Variants in SCN9A observed in about 807,000 individuals in gnomAD.
SCN9A encodes the protein sodium voltage-gated channel alpha subunit 9, also known as sodium channel protein type 9 subunit alpha.
In SCN9A, 131 loss-of-function variants were observed where a neutral mutation model predicts 187.0. The observed-to-expected ratio is 0.70, with a 90% confidence interval of 0.61 to 0.81. The LOEUF is 0.81. SCN9A is among the 30% of genes least tolerant of loss of function. The pLI, the probability that SCN9A is intolerant of heterozygous loss-of-function variation, is 0.00. For synonymous variants in SCN9A, 809 were observed against 808.6 expected, an observed-to-expected ratio of 1.00 and a Z score of -0.01; for missense variants, 2,252 against 2,396.6, an observed-to-expected ratio of 0.94 and a Z score of 1.26.
intron 18 of SCN9A, among the ~76,000 whole-genome samples, chr2:166,250,422 G>A (rs1054840822): frequency 2.6e-5 from 4 of 152,050 alleles, no homozygotes; most frequent in Admixed American, 2.6e-4. Flanking sequence ...TCTTAGCATC[G>A]CTGTGATGTG....
chr2:166,196,994 C>G lies in SCN9A; in HGVS notation c.*1678G>C, dbSNP rs1037361780. The G allele has an allele frequency of 6.6e-6, 1 of 152,070 alleles. No individual in the cohort carries two copies. The highest frequency in any genetic ancestry group is 6.5e-5 in the Admixed American group (1 of 15,274). 9.4% of individuals were successfully genotyped at this position (152,070 alleles called of 1,614,324 possible). A position where few individuals can be genotyped will look rare whatever the true frequency, so the allele number is the denominator to read the frequency against. On this transcript the variant is annotated 3_prime_UTR_variant, in exon 27 of 27. Transcript: ENST00000642356. ...TTGTTTCTATAGGTACGTTTAAATC[C>G]TCTTTCTTTTTAAATTGCCAGAACA...
chr2:166,339,892 A>G (rs1488277384), intron 1 of SCN9A, among the ~76,000 whole-genome samples: 1 of 152,166 alleles, frequency 6.6e-6, no homozygotes, highest in Non-Finnish European at 1.5e-5. Context: ...GAGGTAGCAT[A>G]TTGTAGGAAA....
In SCN9A at chr2:166,340,611, TCTTTCTTTC is replaced by T. The variant is rs771111770; in HGVS notation, c.-50-28814_-50-28806del. ...CTTTCTTTCTTTCTTTCTTTTTCTT[TCTTTCTTTC>T]CTTTCTCTTCTTTCTTTTTTGATAG... On this transcript the variant is annotated intron_variant, in intron 1 of 26. Transcript: ENST00000642356. Among the ~76,000 whole-genome samples the T allele has an allele frequency of 8.1e-3, 523 of 64,604 alleles. 20 individuals carry two copies. The highest frequency in any genetic ancestry group is 0.058 in the African/African-American group (465 of 8,054). 42.4% of individuals were successfully genotyped at this position (64,604 alleles called of 152,430 possible).
Position 166,284,471 on chromosome 2 carries a change from C to CT in SCN9A, c.1955dup (p.Ala653GlyfsTer4). 1 of 1,613,364 alleles carries CT rather than the reference C, an allele frequency of 6.2e-7. No individual in the cohort carries two copies. ...TCCTTACGCTGTCATCAGAAGTTGC[C>CT]TTATCTATTATCACCTCTGGCAGAA... On this transcript the variant is annotated frameshift_variant, in exon 12 of 27. Coordinates refer to ENST00000642356, the MANE Select transcript of SCN9A (RefSeq NM_001365536.1). LOFTEE classifies it high-confidence loss of function.
intron 24 of SCN9A, among the ~76,000 whole-genome samples, chr2:166,212,575 A>G (rs1157698824): frequency 1.3e-5 from 2 of 152,242 alleles, no homozygotes; most frequent in Admixed American, 1.3e-4. Flanking sequence ...AATAATGAAC[A>G]GAACAGCCAG....
At position 166,340,566 on chromosome 2, in the gene SCN9A, CTT is replaced by C. The variant is rs1301816412; in HGVS notation, c.-50-28762_-50-28761del. Among the ~76,000 whole-genome samples the C allele has an allele frequency of 4.1e-3, 286 of 69,118 alleles. 9 individuals carry two copies. Among genetic ancestry groups the C allele is most frequent in the African/African-American group, 0.029 (282 of 9,658 alleles). The allele number at this position is 69,118 out of a possible 152,430, so 45.3% of individuals were successfully genotyped here. A position where few individuals can be genotyped will look rare whatever the true frequency, so the allele number is the denominator to read the frequency against. Reference sequence around the variant, plus strand: ...CCTTTCTTTCTTTCTTTCTTTCTTTCTTTCTTTCTTTCTTTCTTTCTTTCTTT... The same window carrying C: ...CCTTTCTTTCTTTCTTTCTTTCTTTCTCTTTCTTTCTTTCTTTCTTTCTTT... On this transcript the variant is annotated intron_variant, in intron 1 of 26. Coordinates refer to ENST00000642356, the MANE Select transcript of SCN9A (RefSeq NM_001365536.1).
At position 166,352,077 on chromosome 2, in the gene SCN9A, CA is replaced by C. The variant is rs1362668204; in HGVS notation, c.-51+23619del. On this transcript the variant is annotated intron_variant, in intron 1 of 26. Transcript: ENST00000642356. ...AATGTTAAAATAGTACTTGACATCT[CA>C]AAAAAAATAAGCCCTAAACCCGTAA... is the stretch of plus-strand genomic sequence containing the variant. Among the ~76,000 whole-genome samples, 42 of 151,668 alleles carry C rather than the reference CA, an allele frequency of 2.8e-4. 1 individual carries two copies. Among genetic ancestry groups the C allele is most frequent in the Admixed American group, 2.7e-3 (41 of 15,194 alleles).
chr2:166,326,146 C>T (rs747050192), intron 1 of SCN9A, among the ~76,000 whole-genome samples: 1 of 152,040 alleles, frequency 6.6e-6, no homozygotes, highest in Non-Finnish European at 1.5e-5. Flanking sequence ...TACACCTGGC[C>T]TCCGATTGAA....
At chr2:166,234,783 GT>G in intron 20 of SCN9A, among the ~76,000 whole-genome samples, 1 of 151,874 alleles carries the variant, frequency 6.6e-6, no homozygotes, top group East Asian at 1.9e-4. Flanking sequence ...TGGTTTGAAT[GT>G]TTGTCCCTTT....
chr2:166,370,370 C>T (rs1172157563), intron 1 of SCN9A, among the ~76,000 whole-genome samples: 2 of 150,772 alleles, frequency 1.3e-5, no homozygotes, highest in African/African-American at 4.9e-5. Context: ...GGTGAAACTC[C>T]GTCTCTACTA....
intron 1 of SCN9A, among the ~76,000 whole-genome samples, chr2:166,351,483 T>C (rs1700031937): frequency 6.6e-6 from 1 of 152,214 alleles, no homozygotes; most frequent in Admixed American, 6.5e-5. Context: ...TGATGTATAT[T>C]TAATCACTTT....
Position 166,284,747 on chromosome 2 carries a change from T to A in SCN9A, c.1680A>T (p.Arg560Ser). The change falls in exon 12 of 27, where the codon AGA becomes AGT. Residue 560 changes from arginine (R) to serine (S), a missense_variant. Around this residue, in one of 7 missense-constraint regions of SCN9A, gnomAD observed 1,013 missense variants for 997.4 expected, o/e 1.02. Transcript: ENST00000642356. ...SRTSLFSFKG[R>S]GRDIGSETEF... Reference sequence around the variant, plus strand: ...CAGTCTCAGATCCTATATCTCTTCCTCTGCCTTTGAAACTAAAAAGACTTG... The same window carrying A: ...CAGTCTCAGATCCTATATCTCTTCCACTGCCTTTGAAACTAAAAAGACTTG... 6.2e-7 allele frequency: 1 copy of A among 1,613,912 alleles called. No individual in the cohort carries two copies. The highest frequency in any genetic ancestry group is 2.2e-5 in the East Asian group (1 of 44,866).
chr2:166,365,686 T>C (rs747287657), intron 1 of SCN9A, among the ~76,000 whole-genome samples: 15 of 152,236 alleles, frequency 9.9e-5, no homozygotes, highest in Admixed American at 7.9e-4. Context: ...CCTTAGTTTT[T>C]CATTTACTTC....
At chr2:166,283,203 C>T (rs1340833951) in intron 12 of SCN9A, among the ~76,000 whole-genome samples, 1 of 152,046 alleles carries the variant, frequency 6.6e-6, no homozygotes, top group Non-Finnish European at 1.5e-5. Context: ...AATTGCAAAA[C>T]AAAATGCAAG....
At chr2:166,248,522 C>T (rs1558981436) in intron 18 of SCN9A, among the ~76,000 whole-genome samples, 2 of 152,162 alleles carry the variant, frequency 1.3e-5, no homozygotes, top group Non-Finnish European at 2.9e-5. Context: ...CTTCCAGCTT[C>T]TGCCATTGCT....
chr2:166,314,781 T>TG (rs1388217676), intron 1 of SCN9A, among the ~76,000 whole-genome samples: 1 of 152,168 alleles, frequency 6.6e-6, no homozygotes, highest in East Asian at 1.9e-4. Flanking sequence ...GAGTATTTTT[T>TG]GTCAGAGGCT....
chr2:166,218,684 A>G (rs924391076), intron 24 of SCN9A, among the ~76,000 whole-genome samples: 1 of 152,154 alleles, frequency 6.6e-6, no homozygotes, highest in Non-Finnish European at 1.5e-5. Flanking sequence ...TGAAGACACC[A>G]AAAGCAACTG....
chr2:166,307,818 A>G lies in SCN9A; in HGVS notation c.259-744T>C, dbSNP rs72882859. ...AATAAAAACAACCAGCAGTAACAAC[A>G]AAATATTAAAGCAACCTAAAGCATT... On this transcript the variant is annotated intron_variant, in intron 2 of 26. Transcript: ENST00000642356. Among the ~76,000 whole-genome samples, 401 of 152,376 alleles carry G rather than the reference A, an allele frequency of 2.6e-3. 2 individuals carry two copies. The highest frequency in any genetic ancestry group is 3.7e-3 in the Non-Finnish European group (250 of 68,036).
At chr2:166,367,661 T>C (rs916725762) in intron 1 of SCN9A, among the ~76,000 whole-genome samples, 1 of 152,196 alleles carries the variant, frequency 6.6e-6, no homozygotes, top group African/African-American at 2.4e-5. Context: ...CCCATTTCAG[T>C]TTTTTAATGT....
Sources: allele counts gnomAD v4.1 joint callset (sites outside exome capture counted in the v4.1 genomes callset), GRCh38; gene constraint gnomAD v4.1.1; regional missense constraint gnomAD v4.1.1; transcripts MANE v1.5; gene names NCBI Gene and HGNC (gene_info 2026-07-23, HGNC 2026-07-21).